The following R3HDM1 variants were observed in gnomAD, a reference collection of about 807,000 sequenced individuals.
R3HDM1 encodes the protein R3H domain-containing protein 1.
Under a neutral mutation model 141.1 loss-of-function variants are expected in R3HDM1, and 46 were observed. The observed-to-expected ratio is 0.33, with a 90% CI of 0.26 to 0.42. The LOEUF (loss-of-function observed/expected upper bound fraction) is 0.42. Among genes scored for constraint, R3HDM1 ranks in the 10% least tolerant of loss-of-function variants. The pLI is 1.00. For synonymous variants in R3HDM1, 435 were observed against 472.9 expected (o/e 0.92, Z 1.04); for missense variants, 1,184 against 1,368.3 (o/e 0.87, Z 2.12).
At position 135,680,257 on chromosome 2, in the gene R3HDM1, T is replaced by C. The variant is rs1393293606; in HGVS notation, c.2392T>C (p.Ser798Pro). ...GTTCCCTAATCAGTCTAATCAAGGA[T>C]CTATGCCCACAACAGGAATGCCTGT... ...VMFPNQSNQG[S>P]MPTTGMPVYY... Residue 798 changes from serine to proline, a missense_variant, in exon 21 of 27, where the codon TCT becomes CCT. Coordinates refer to ENST00000683871, the MANE Select transcript of R3HDM1 (RefSeq NM_001378107.1). 3 of 1,613,856 alleles carry C rather than the reference T, an allele frequency of 1.9e-6. No individual in the cohort carries two copies. In the African/African-American group the frequency reaches 4.0e-5, roughly 22 times the overall value.
chr2:135,616,439 G>T lies in R3HDM1; in HGVS notation c.214-229G>T, dbSNP rs189246644. Among the ~76,000 whole-genome samples the T allele has an allele frequency of 3.9e-3, 594 of 151,938 alleles. 11 individuals carry two copies. The highest frequency in any genetic ancestry group is 0.037 in the Admixed American group (568 of 15,264). ...TCACCATTTTTGGGGATATGAAGTT[G>T]GAATTATTCCCATTCTTTCTATTGC... On this transcript the variant is annotated intron_variant, in intron 4 of 26. Coordinates refer to ENST00000683871, the MANE Select transcript of R3HDM1 (RefSeq NM_001378107.1).
intron 19 of R3HDM1, chr2:135,665,621 G>A: frequency 3.8e-6 from 1 of 261,714 alleles, no homozygotes; most frequent in South Asian, 3.8e-5. Flanking sequence ...TAGAATTTAA[G>A]TGACATCTTT....
chr2:135,559,751 C>G (rs1377502053), intron 1 of R3HDM1, among the ~76,000 whole-genome samples: 1 of 152,172 alleles, frequency 6.6e-6, no homozygotes, highest in Non-Finnish European at 1.5e-5. Context: ...ATTGAAGGAA[C>G]TGTCTATCTC....
chr2:135,571,400 A>G lies in R3HDM1; in HGVS notation c.-249-31100A>G, dbSNP rs377155108. ...GAGTGCAGTGGCACAATCTCGGCTC[A>G]TTGCAACCTCCACCTCCCCGGTTCA... On this transcript the variant is annotated intron_variant, in intron 1 of 26. Coordinates refer to ENST00000683871, the MANE Select transcript of R3HDM1 (RefSeq NM_001378107.1). Among the ~76,000 whole-genome samples the G allele has an allele frequency of 3.3e-5, 5 of 152,020 alleles. No individual in the cohort carries two copies. The East Asian group carries it at 9.7e-4, about 29-fold the overall frequency.
At chr2:135,634,475 T>C (rs1574546187) in intron 9 of R3HDM1, among the ~76,000 whole-genome samples, 1 of 152,200 alleles carries the variant, frequency 6.6e-6, no homozygotes, top group East Asian at 1.9e-4. Flanking sequence ...ACCCCATCTC[T>C]ACTAAAAATA....
intron 1 of R3HDM1, among the ~76,000 whole-genome samples, chr2:135,584,760 GGAGA>G (rs929415064): frequency 3.9e-5 from 6 of 152,128 alleles, no homozygotes; most frequent in Admixed American, 2.6e-4. Flanking sequence ...TCCAAAGCTT[GGAGA>G]GAGAGAGAAT....
At chr2:135,641,493 A>G (rs746993375) in intron 14 of R3HDM1, 43 bp from the exon 15 acceptor site, 2 of 1,546,564 alleles carry the variant, frequency 1.3e-6, no homozygotes, top group Non-Finnish European at 1.7e-6. Flanking sequence ...TGTTTTTTAT[A>G]TGAGGTTTAA....
intron 5 of R3HDM1, among the ~76,000 whole-genome samples, chr2:135,617,334 A>T (rs12476562): frequency 0.33 from 49,179 of 151,028 alleles, 9,474 homozygotes; most frequent in East Asian, 0.78. Flanking sequence ...CTCAAAAAAA[A>T]ATATATATAT....
In R3HDM1 at chr2:135,654,534, C is replaced by T. The variant is rs536877193; in HGVS notation, c.2028+2502C>T. The stretch of plus-strand genomic sequence containing the variant: ...TGCAATCTCAGCTCACTGCAACCTC[C>T]GCCTGCCATGTTCAAGCAATTCTCC... On this transcript the variant is annotated intron_variant, in intron 18 of 26. Coordinates refer to ENST00000683871, the MANE Select transcript of R3HDM1 (RefSeq NM_001378107.1). 1.8e-3 allele frequency among the ~76,000 whole-genome samples: 268 copies of T among 152,070 alleles called. 1 individual carries two copies. Among genetic ancestry groups the T allele is most frequent in the African/African-American group, 5.8e-3 (239 of 41,498 alleles).
intron 17 of R3HDM1, chr2:135,651,251 G>A (rs16831899): frequency 0.12 from 117,220 of 984,760 alleles, 12,482 homozygotes; most frequent in African/African-American, 0.48. Context: ...AATAATTTTC[G>A]TGGTTAGGGA....
chr2:135,611,748 G>C (rs1411191650), intron 3 of R3HDM1, among the ~76,000 whole-genome samples: 1 of 151,888 alleles, frequency 6.6e-6, no homozygotes, highest in African/African-American at 2.4e-5. Context: ...CTAGGATTTG[G>C]TACTCTTTCT....
Position 135,638,913 on chromosome 2 carries a change from C to T in R3HDM1, c.1010C>T (p.Ser337Leu). 2 of 1,613,866 alleles carry T rather than the reference C, an allele frequency of 1.2e-6. No individual in the cohort carries two copies. Among genetic ancestry groups the T allele is most frequent in the South Asian group, 1.1e-5 (1 of 91,060 alleles). ...AATTACAGAGTTAATAAAGATGCTT[C>T]AGGGAGATCTACAAATAGCCATCAA... is the stretch of plus-strand genomic sequence containing the variant. ...RQIFRVNKDA[S>L]GRSTNSHQSS... Residue 337 changes from serine to leucine, a missense_variant, in exon 14 of 27, where the codon TCA (serine) becomes TTA (leucine). This residue lies in a region of R3HDM1 where 240 missense variants were observed against 312.3 expected (regional missense o/e 0.77). Coordinates refer to ENST00000683871, the MANE Select transcript of R3HDM1 (RefSeq NM_001378107.1).
At position 135,641,674 on chromosome 2, in the gene R3HDM1, T is replaced by C; in HGVS notation, c.1358T>C (p.Leu453Pro). Residue 453 changes from leucine (L) to proline (P), a missense_variant, in exon 15 of 27, where the codon CTT (leucine) becomes CCT (proline). Leu to Pro is a moderately conservative substitution (Grantham distance 98). This residue lies in a region of R3HDM1 where 240 missense variants were observed against 312.3 expected (regional missense o/e 0.77). Coordinates refer to ENST00000683871, the MANE Select transcript of R3HDM1 (RefSeq NM_001378107.1). ...VYPTVSTHSSLSFDGGLNGQV... is the reference protein window; with the variant it reads ...VYPTVSTHSSPSFDGGLNGQV... ...CCAACTGTCAGCACTCATAGTTCTCTTTCCTTTGATGGTGGCCTAAATGGG... is the reference window on the plus strand; with the variant it reads ...CCAACTGTCAGCACTCATAGTTCTCCTTCCTTTGATGGTGGCCTAAATGGG... The C allele has an allele frequency of 6.2e-7, 1 of 1,614,168 alleles. No individual in the cohort carries two copies. The highest frequency in any genetic ancestry group is 1.7e-5 in the Admixed American group (1 of 60,022).
At chr2:135,669,692 C>A (rs2068043185) in intron 19 of R3HDM1, 1 of 538,786 alleles carries the variant, frequency 1.9e-6, no homozygotes, top group Non-Finnish European at 2.4e-6. Flanking sequence ...AAGGTATGAA[C>A]CTCTCTGTGC....
Position 135,724,189 on chromosome 2 carries a change from A to G in R3HDM1, c.3302A>G (p.Gln1101Arg). ...ACATTCCCCTCCATTTCAGCTGCACAGAATGCACTGAAGAAACAAATTAAC... is the reference window on the plus strand; with the variant it reads ...ACATTCCCCTCCATTTCAGCTGCACGGAATGCACTGAAGAAACAAATTAAC... ...LATFPSISAA[Q>R]NALKKQINSV... The change falls in exon 27 of 27, where the codon CAG (glutamine) becomes CGG (arginine). Residue 1101 changes from glutamine to arginine, a missense_variant. This residue lies in a region of R3HDM1 where 182 missense variants were observed against 252.6 expected (regional missense o/e 0.72). Coordinates refer to ENST00000683871, the MANE Select transcript of R3HDM1 (RefSeq NM_001378107.1). 1 of 1,613,986 alleles carries G rather than the reference A, an allele frequency of 6.2e-7. No homozygotes were observed. The highest frequency in any genetic ancestry group is 8.5e-7 in the Non-Finnish European group (1 of 1,179,858).
intron 16 of R3HDM1, among the ~76,000 whole-genome samples, chr2:135,646,993 A>T (rs2064529293): frequency 6.6e-6 from 1 of 152,158 alleles, no homozygotes; most frequent in Admixed American, 6.5e-5. Flanking sequence ...TACAAGTTTA[A>T]TTACATTATT....
chr2:135,573,464 T>G (rs1355131196), intron 1 of R3HDM1, among the ~76,000 whole-genome samples: 1 of 151,318 alleles, frequency 6.6e-6, no homozygotes, highest in Non-Finnish European at 1.5e-5. Context: ...GAACACAAAA[T>G]GGAGAGGGAA....
chr2:135,556,968 C>T (rs1467329943), intron 1 of R3HDM1, among the ~76,000 whole-genome samples: 1 of 151,870 alleles, frequency 6.6e-6, no homozygotes, highest in Non-Finnish European at 1.5e-5. Flanking sequence ...TTTTTTTAAA[C>T]CCAAAGAATT....
At chr2:135,546,074 A>G (rs943388447) in intron 1 of R3HDM1, among the ~76,000 whole-genome samples, 2 of 152,344 alleles carry the variant, frequency 1.3e-5, no homozygotes, top group East Asian at 3.9e-4. Context: ...GCCTGTGGGT[A>G]TCTGAAATCA....
Sources: allele counts gnomAD v4.1 joint callset (sites outside exome capture counted in the v4.1 genomes callset), GRCh38; gene constraint gnomAD v4.1.1; regional missense constraint gnomAD v4.1.1; transcripts MANE v1.5; gene names NCBI Gene and HGNC (gene_info 2026-07-23, HGNC 2026-07-21).